EYS: variants seen among roughly 807,000 people sequenced by gnomAD.
EYS encodes the protein EGF-like photoreceptor maintenance factor, also known as protein eyes shut homolog.
In EYS, 250 loss-of-function variants were observed where a neutral mutation model predicts 282.1. The ratio of observed to expected loss-of-function variants is 0.89; its 90% confidence interval spans 0.80 to 0.98. The LOEUF is 0.98. EYS is among the 50% of genes least tolerant of loss of function. The pLI, the probability that EYS is intolerant of heterozygous loss-of-function variation, is 0.00. For missense variants in EYS, 4,016 were observed against 3,709.0 expected (o/e 1.08, Z -2.15); for synonymous variants, 1,355 against 1,282.9 (o/e 1.06, Z -1.20).
chr6:65,475,304 G>A (rs1357832930), intron 5 of EYS, among the ~76,000 whole-genome samples: 1 of 152,038 alleles, frequency 6.6e-6, no homozygotes, highest in Admixed American at 6.5e-5. Context: ...ACTACATTAG[G>A]TGAGATAAAA....
intron 31 of EYS, among the ~76,000 whole-genome samples, chr6:64,108,448 C>G (rs1401925123): frequency 1.3e-5 from 2 of 149,174 alleles, no homozygotes; most frequent in East Asian, 2.0e-4. Flanking sequence ...CTTGTTATGA[C>G]AGAATGGTGA....
chr6:64,545,399 C>A (rs549709808), intron 26 of EYS, among the ~76,000 whole-genome samples: 3 of 152,230 alleles, frequency 2.0e-5, no homozygotes, highest in South Asian at 2.1e-4. Flanking sequence ...CTATGACAAA[C>A]CCACAGCCAA....
At chr6:63,894,135 C>T (rs1295774787) in intron 35 of EYS, among the ~76,000 whole-genome samples, 1 of 152,170 alleles carries the variant, frequency 6.6e-6, no homozygotes, top group African/African-American at 2.4e-5. Flanking sequence ...AAAGAGCCCC[C>T]ACTTTTCCCT....
chr6:64,868,830 C>T (rs961368672), intron 19 of EYS, among the ~76,000 whole-genome samples: 1 of 151,384 alleles, frequency 6.6e-6, no homozygotes, highest in Non-Finnish European at 1.5e-5. Flanking sequence ...TTGAGTACTA[C>T]CTTTGGAATT....
At chr6:65,622,878 C>G (rs1187769362) in intron 2 of EYS, among the ~76,000 whole-genome samples, 1 of 151,814 alleles carries the variant, frequency 6.6e-6, no homozygotes, top group Non-Finnish European at 1.5e-5. Flanking sequence ...CAACATCACC[C>G]TCCCAAGTAG....
At chr6:65,315,527 A>G in intron 11 of EYS, among the ~76,000 whole-genome samples, 1 of 151,862 alleles carries the variant, frequency 6.6e-6, no homozygotes. Context: ...CCAACTTTCT[A>G]TAAATGAAAT....
chr6:65,244,358 A>G (rs1002998160), intron 12 of EYS, among the ~76,000 whole-genome samples: 1 of 152,190 alleles, frequency 6.6e-6, no homozygotes, highest in Non-Finnish European at 1.5e-5. Flanking sequence ...TACAAATTAA[A>G]TTAGCACATA....
At chr6:65,050,008 A>C (rs1773220483) in intron 13 of EYS, among the ~76,000 whole-genome samples, 1 of 151,708 alleles carries the variant, frequency 6.6e-6, no homozygotes, top group Admixed American at 6.6e-5. Context: ...CAAATGGAGC[A>C]GTCAATAGGT....
chr6:64,264,498 A>G (rs997224409), intron 30 of EYS, among the ~76,000 whole-genome samples: 19 of 152,120 alleles, frequency 1.2e-4, no homozygotes, highest in African/African-American at 4.1e-4. Flanking sequence ...GAAGTGTGTA[A>G]TACCTCTTGA....
chr6:64,874,089 A>T (rs758425488), intron 19 of EYS, among the ~76,000 whole-genome samples: 8 of 152,114 alleles, frequency 5.3e-5, no homozygotes, highest in Non-Finnish European at 1.0e-4. Flanking sequence ...ACCACAGCAC[A>T]TTTCAGCTGA....
intron 2 of EYS, among the ~76,000 whole-genome samples, chr6:65,613,893 T>C (rs1053532665): frequency 3.3e-5 from 5 of 151,922 alleles, no homozygotes; most frequent in Non-Finnish European, 7.4e-5. Flanking sequence ...TTTATGGTTA[T>C]TAGGTAAAAA....
At chr6:64,510,711 TG>T (rs1447314331) in intron 26 of EYS, among the ~76,000 whole-genome samples, 1 of 152,206 alleles carries the variant, frequency 6.6e-6, no homozygotes, top group Non-Finnish European at 1.5e-5. Flanking sequence ...GTCAACTACT[TG>T]GTAAAATCAG....
intron 22 of EYS, among the ~76,000 whole-genome samples, chr6:64,783,909 T>G (rs892080319): frequency 6.6e-6 from 1 of 152,124 alleles, no homozygotes; most frequent in Non-Finnish European, 1.5e-5. Flanking sequence ...TGAAAATTAT[T>G]TTAGAGACAG....
intron 31 of EYS, among the ~76,000 whole-genome samples, chr6:64,137,110 A>C (rs1023313480): frequency 8.5e-5 from 13 of 152,162 alleles, no homozygotes; most frequent in Admixed American, 2.0e-4. Flanking sequence ...TTCATCTTGC[A>C]CTTCTCTGAC....
In EYS at chr6:63,999,029, A is replaced by G. The variant is rs1438454392; in HGVS notation, c.6834+46T>C. The G allele has an allele frequency of 2.2e-5, 25 of 1,147,914 alleles. No homozygotes were observed. The East Asian group carries it at 6.4e-4, about 29-fold the overall frequency. 71.1% of individuals were successfully genotyped at this position (1,147,914 alleles called of 1,614,324 possible). A position where few individuals can be genotyped will look rare whatever the true frequency, so the allele number is the denominator to read the frequency against. On this transcript the variant is annotated intron_variant, in intron 34 of 42. Transcript: ENST00000503581. ...AACATAAAAAATACTTATCTGAAAT[A>G]CTGAGGGCACAATTAGTGTTTGGAA...
At chr6:65,638,191 G>C (rs976814366) in intron 2 of EYS, among the ~76,000 whole-genome samples, 2 of 152,126 alleles carry the variant, frequency 1.3e-5, no homozygotes, top group Non-Finnish European at 2.9e-5. Context: ...CCCACTTCAG[G>C]TCTCCTGGAG....
At chr6:65,598,002 A>C (rs1174413141) in intron 2 of EYS, among the ~76,000 whole-genome samples, 1 of 152,008 alleles carries the variant, frequency 6.6e-6, no homozygotes, top group Non-Finnish European at 1.5e-5. Flanking sequence ...CAGGAAGCTG[A>C]GGTGGGAGGA....
At chr6:63,795,471 T>G (rs2149673954) in intron 37 of EYS, among the ~76,000 whole-genome samples, 1 of 152,210 alleles carries the variant, frequency 6.6e-6, no homozygotes, top group South Asian at 2.1e-4. Context: ...CTCAGATGGG[T>G]TTTAAAAGTT....
chr6:63,878,692 C>A (rs1490933333), intron 35 of EYS, among the ~76,000 whole-genome samples: 2 of 152,242 alleles, frequency 1.3e-5, no homozygotes, highest in Admixed American at 6.5e-5. Flanking sequence ...GCCCCTCCCC[C>A]ACCCTTGCTG....
Sources: gnomAD v4.1 joint callset for allele counts (sites outside exome capture counted in the v4.1 genomes callset) on GRCh38, gnomAD v4.1.1 for gene constraint, MANE v1.5 for transcripts, NCBI Gene and HGNC (gene_info 2026-07-23, HGNC 2026-07-21) for gene names.